PRPS2: variants seen among roughly 807,000 people sequenced by gnomAD.
PRPS2 encodes the protein phosphoribosyl pyrophosphate synthetase 2, also known as ribose-phosphate pyrophosphokinase 2.
For missense variants in PRPS2, 104 were observed against 271.5 expected, an observed-to-expected ratio of 0.38 and a Z score of 4.34; for synonymous variants, 111 against 115.3, an observed-to-expected ratio of 0.96 and a Z score of 0.24.
At chrX:12,796,639 TACAG>T (rs1254347036) in intron 1 of PRPS2, among the ~76,000 whole-genome samples, 2 of 111,705 alleles carry the variant, frequency 1.8e-5, no homozygotes, top group African/African-American at 6.5e-5. Context: ...TGAATAAATT[TACAG>T]ACAATTCTGC....
intron 1 of PRPS2, among the ~76,000 whole-genome samples, chrX:12,793,709 G>A (rs1222111106): frequency 8.9e-6 from 1 of 112,190 alleles, no homozygotes; most frequent in Non-Finnish European, 1.9e-5. Context: ...GCAAAATGAA[G>A]ACAAAATTGA....
chrX:12,793,627 C>A (rs12396877), intron 1 of PRPS2, among the ~76,000 whole-genome samples: 352 of 112,050 alleles, frequency 3.1e-3, no homozygotes, highest in African/African-American at 0.01. Flanking sequence ...TATAAACAGC[C>A]CTCTCTGGAC....
At chrX:12,808,726 G>T (rs1374051667) in intron 2 of PRPS2, among the ~76,000 whole-genome samples, 1 of 111,861 alleles carries the variant, frequency 8.9e-6, no homozygotes, top group Non-Finnish European at 1.9e-5. Context: ...ACTTCTTTTA[G>T]CCTCTGGCTG....
Position 12,810,153 on chromosome X carries a change from T to C in PRPS2, c.530+7T>C. 4.1e-6 allele frequency: 5 copies of C among 1,211,736 alleles called. No individual in the cohort carries two copies. The highest frequency in any genetic ancestry group is 5.6e-6 in the Non-Finnish European group (5 of 895,434). The stretch of plus-strand genomic sequence containing the variant: ...ACGCAGGGGGAGCCAAAAGGTATCA[T>C]GCAGGCTACACCTTGCAGATTTCTC... On this transcript the variant is annotated splice_region_variant and intron_variant, in intron 4 of 6. Transcript: ENST00000380668.
chrX:12,805,027 TTGCTGC>T lies in PRPS2; in HGVS notation c.307-4202_307-4197del, dbSNP rs757014964. 2.7e-5 allele frequency among the ~76,000 whole-genome samples: 3 copies of T among 112,482 alleles called. No homozygotes were observed. The East Asian group carries it at 8.4e-4, about 31-fold the overall frequency. On this transcript the variant is annotated intron_variant, in intron 2 of 6. Transcript: ENST00000380668. Reference sequence around the variant, plus strand: ...CTGGTTTTGTTTTTTTCTGTAAACCTTGCTGCTGCTTTTTAAGCAAGCCCTGCACAT... The same window carrying T: ...CTGGTTTTGTTTTTTTCTGTAAACCTTGCTTTTTAAGCAAGCCCTGCACAT...
chrX:12,811,599 C>G (rs187195749), intron 4 of PRPS2, among the ~76,000 whole-genome samples: 71 of 111,601 alleles, frequency 6.4e-4, no homozygotes, highest in South Asian at 1.9e-3. Context: ...AGTGAGGAAG[C>G]AAGGAAGCTC....
Position 12,820,880 on chromosome X carries a change from G to A in PRPS2, c.864+77G>A, listed in dbSNP as rs1440580485. 8.4e-6 allele frequency: 9 copies of A among 1,075,659 alleles called. No individual in the cohort carries two copies. In the East Asian group the frequency reaches 2.8e-4, roughly 33 times the overall value. The allele number at this position is 1,075,659 out of a possible 1,213,427, so 88.6% of individuals were successfully genotyped here. On this transcript the variant is annotated intron_variant, in intron 6 of 6. Coordinates refer to ENST00000380668, the MANE Select transcript of PRPS2 (RefSeq NM_002765.5). ...CCTTAAAAATAGCATCATGTCTTGT[G>A]TGTGTGTGGCTCCTTGCTAAGGCAC... is the stretch of plus-strand genomic sequence containing the variant.
chrX:12,808,190 A>G (rs923671804), intron 2 of PRPS2, among the ~76,000 whole-genome samples: 13 of 111,029 alleles, frequency 1.2e-4, no homozygotes, highest in Non-Finnish European at 2.3e-4. Context: ...GATAAAATAT[A>G]TATTTCTTTT....
chrX:12,810,360 A>G (rs1299756614), intron 4 of PRPS2: 5 of 424,300 alleles, frequency 1.2e-5, no homozygotes, highest in Non-Finnish European at 2.0e-5. Context: ...AGAGACACAC[A>G]TACACAATAG....
intron 1 of PRPS2, 117 bp from the exon 2 acceptor site, chrX:12,799,090 C>T: frequency 1.5e-6 from 1 of 664,533 alleles, no homozygotes; most frequent in Non-Finnish European, 2.3e-6. Context: ...ATGAGTGCAA[C>T]TATTAGGCTG....
rs746727497 is a variant in PRPS2, at chrX:12,823,850, A to T, written c.*1054A>T. On this transcript the variant is annotated 3_prime_UTR_variant, in exon 7 of 7. Transcript: ENST00000380668. ...TGTTTCCAGTTCACAAAGGTGATGAAGACTGTCTTGGGAGCAGCTTAATCC... is the reference window on the plus strand; with the variant it reads ...TGTTTCCAGTTCACAAAGGTGATGATGACTGTCTTGGGAGCAGCTTAATCC... The T allele has an allele frequency of 1.8e-5, 2 of 112,310 alleles. No individual in the cohort carries two copies. The highest frequency in any genetic ancestry group is 7.4e-4 in the South Asian group (2 of 2,698). 9.3% of individuals were successfully genotyped at this position (112,310 alleles called of 1,213,427 possible).
At chrX:12,804,281 A>G in intron 2 of PRPS2, among the ~76,000 whole-genome samples, 1 of 108,705 alleles carries the variant, frequency 9.2e-6, no homozygotes, top group Non-Finnish European at 1.9e-5. Context: ...AGCTAGGATT[A>G]TAGGTTTGCG....
At chrX:12,822,378 C>T (rs1341203045) in intron 6 of PRPS2, among the ~76,000 whole-genome samples, 1 of 112,057 alleles carries the variant, frequency 8.9e-6, no homozygotes, top group Non-Finnish European at 1.9e-5. Flanking sequence ...AAAGAAAAAC[C>T]TTCCGTATAA....
In PRPS2 at chrX:12,810,102, G is replaced by T; in HGVS notation, c.486G>T (p.Trp162Cys). 1 of 1,212,092 alleles carries T rather than the reference G, an allele frequency of 8.3e-7. No individual in the cohort carries two copies. Among genetic ancestry groups the T allele is most frequent in the Non-Finnish European group, 1.1e-6 (1 of 895,528 alleles). Reference protein sequence around the residue: ...LQWIRENIAEWKNCIIVSPDA... With the variant: ...LQWIRENIAECKNCIIVSPDA... The stretch of plus-strand genomic sequence containing the variant: ...GGATTCGGGAAAACATTGCCGAGTG[G>T]AAGAACTGTATCATTGTTTCACCTG... Residue 162 changes from tryptophan (W) to cysteine (C), a missense_variant, in exon 4 of 7, where the codon TGG becomes TGT. Transcript: ENST00000380668.
At chrX:12,811,661 G>C (rs1327776074) in intron 4 of PRPS2, among the ~76,000 whole-genome samples, 4 of 111,984 alleles carry the variant, frequency 3.6e-5, no homozygotes, top group Non-Finnish European at 7.5e-5. Flanking sequence ...TCAGCCTTTG[G>C]AATGTCTGAC....
chrX:12,798,995 C>T (rs1454661597), intron 1 of PRPS2, among the ~76,000 whole-genome samples: 1 of 111,366 alleles, frequency 9.0e-6, no homozygotes, highest in African/African-American at 3.3e-5. Flanking sequence ...GAAGCTTGCA[C>T]CCTGTTTCCC....
At chrX:12,801,090 C>T (rs1479896141) in intron 2 of PRPS2, among the ~76,000 whole-genome samples, 3 of 112,063 alleles carry the variant, frequency 2.7e-5, no homozygotes, top group Non-Finnish European at 5.6e-5. Flanking sequence ...ACCATTTAAA[C>T]ATGTGAAAGC....
intron 2 of PRPS2, among the ~76,000 whole-genome samples, chrX:12,808,536 A>G (rs971766265): frequency 1.8e-5 from 2 of 112,325 alleles, no homozygotes; most frequent in African/African-American, 6.5e-5. Flanking sequence ...AAGTTAGGTA[A>G]TTTTACAAAG....
chrX:12,820,538 AT>A, intron 5 of PRPS2, 105 bp from the exon 6 acceptor site: 1 of 865,515 alleles, frequency 1.2e-6, no homozygotes, highest in Non-Finnish European at 1.6e-6. Flanking sequence ...AATTTGTTGC[AT>A]TTTTCTTTTA....
Sources: gnomAD v4.1 joint callset for allele counts (sites outside exome capture counted in the v4.1 genomes callset) on GRCh38, gnomAD v4.1.1 for gene constraint, MANE v1.5 for transcripts, NCBI Gene and HGNC (gene_info 2026-07-23, HGNC 2026-07-21) for gene names.